Variants in BCAR1 observed in about 807,000 individuals in gnomAD.
The protein encoded by BCAR1 is BCAR1 scaffold protein, Cas family member.
A neutral mutation model predicts 67.6 loss-of-function variants in BCAR1; 30 were observed. That is an observed-to-expected ratio of 0.44 (90% confidence interval 0.33 to 0.60). The LOEUF (loss-of-function observed/expected upper bound fraction) is 0.60, where lower values mean the gene tolerates loss of function less well. Ranked by LOEUF, BCAR1 falls within the 20% of genes least tolerant of loss-of-function variation. The probability of loss-of-function intolerance (pLI) is 0.02; values close to 1 mark genes in which losing one functional copy is unlikely to be tolerated. For synonymous variants in BCAR1, 626 were observed against 556.7 expected, an observed-to-expected ratio of 1.12 and a Z score of -1.75; for missense variants, 1,313 against 1,222.3, an observed-to-expected ratio of 1.07 and a Z score of -1.11.
chr16:75,257,655 A>C (rs1002419842), intron 1 of BCAR1, among the ~76,000 whole-genome samples: 1 of 152,102 alleles, frequency 6.6e-6, no homozygotes, highest in African/African-American at 2.4e-5. Context: ...GGGTTTCACT[A>C]TATTGCCCAG....
chr16:75,264,593 T>C, intron 1 of BCAR1: 1 of 1,293,010 alleles, frequency 7.7e-7, no homozygotes, highest in African/African-American at 1.5e-5. Context: ...GAAGCCCTCA[T>C]TTTTTCATCT....
intron 1 of BCAR1, among the ~76,000 whole-genome samples, chr16:75,267,568 G>T (rs1193972096): frequency 6.6e-6 from 1 of 152,092 alleles, no homozygotes; most frequent in Non-Finnish European, 1.5e-5. Context: ...CACACGCCCT[G>T]CTGTCTCTGA....
chr16:75,244,345 A>G (rs1336732318), intron 1 of BCAR1, among the ~76,000 whole-genome samples: 3 of 152,246 alleles, frequency 2.0e-5, no homozygotes, highest in Non-Finnish European at 4.4e-5. Flanking sequence ...AACAAGGAAG[A>G]AAGGGCCACG....
intron 1 of BCAR1, among the ~76,000 whole-genome samples, chr16:75,259,449 A>T (rs143725001): frequency 6.2e-4 from 94 of 151,872 alleles, no homozygotes; most frequent in Middle Eastern, 3.5e-3. Context: ...TAACACAGCA[A>T]GACTCAGACT....
intron 1 of BCAR1, among the ~76,000 whole-genome samples, chr16:75,258,368 T>G (rs2077827120): frequency 6.6e-6 from 1 of 152,268 alleles, no homozygotes; most frequent in South Asian, 2.1e-4. Context: ...CCTCTTGGAC[T>G]GCCCTGAGGC....
intron 1 of BCAR1, chr16:75,267,899 T>TAGAGC: frequency 6.3e-7 from 1 of 1,595,588 alleles, no homozygotes; most frequent in Non-Finnish European, 8.5e-7. Context: ...GGACCCTGGC[T>TAGAGC]AGAGCCCTCA....
At chr16:75,258,364 G>C (rs1054909199) in intron 1 of BCAR1, among the ~76,000 whole-genome samples, 1 of 152,212 alleles carries the variant, frequency 6.6e-6, no homozygotes, top group African/African-American at 2.4e-5. Context: ...GTCTCCTCTT[G>C]GACTGCCCTG....
intron 1 of BCAR1, chr16:75,248,174 C>CT: frequency 6.3e-7 from 1 of 1,580,394 alleles, no homozygotes; most frequent in Non-Finnish European, 8.5e-7. Flanking sequence ...GGTGGCTCCA[C>CT]TTTATCTCCA....
In BCAR1 at chr16:75,236,922, G is replaced by T. The variant is rs1260931533; in HGVS notation, c.872C>A (p.Pro291His). Residue 291 changes from proline to histidine, a missense_variant, in exon 4 of 7, where the codon CCC becomes CAC. Coordinates refer to ENST00000162330, the MANE Select transcript of BCAR1 (RefSeq NM_014567.5). ...DPLLEVYDVP[P>H]SVEKGLPPSN... ...CGGTGGCAGGCCCTTCTCCACACTG[G>T]GGGGCACGTCATACACCTCCAGCAA... The T allele has an allele frequency of 6.2e-7, 1 of 1,612,732 alleles. No homozygotes were observed. The highest frequency in any genetic ancestry group is 8.5e-7 in the Non-Finnish European group (1 of 1,179,568).
chr16:75,244,143 C>A (rs986532861), intron 1 of BCAR1, among the ~76,000 whole-genome samples: 1 of 152,204 alleles, frequency 6.6e-6, no homozygotes, highest in African/African-American at 2.4e-5. Context: ...GCTCCAGCCA[C>A]CCCACCAGCC....
At position 75,265,707 on chromosome 16, in the gene BCAR1, C is replaced by A. The variant is rs1271555881; in HGVS notation, c.66+2208G>T. ...GCTCTCCCCCGGGGCCGAGGAGGCCCCAGTGAGGCGACCCCCAGTCCGGGA... is the reference window on the plus strand; with the variant it reads ...GCTCTCCCCCGGGGCCGAGGAGGCCACAGTGAGGCGACCCCCAGTCCGGGA... On this transcript the variant is annotated intron_variant, in intron 1 of 6. Coordinates refer to the BCAR1 transcript ENST00000393422. 7 of 1,132,928 alleles carry A rather than the reference C, an allele frequency of 6.2e-6. No homozygotes were observed. In the African/African-American group the frequency reaches 1.1e-4, roughly 19 times the overall value. The allele number at this position is 1,132,928 out of a possible 1,614,324, so 70.2% of individuals were successfully genotyped here.
chr16:75,232,322 G>C (rs1395180817), intron 6 of BCAR1, among the ~76,000 whole-genome samples: 1 of 151,558 alleles, frequency 6.6e-6, no homozygotes, highest in African/African-American at 2.4e-5. Context: ...CACTATGCTG[G>C]CCAATTTTTG....
chr16:75,232,380 A>C (rs991451111), intron 6 of BCAR1, among the ~76,000 whole-genome samples: 3 of 152,018 alleles, frequency 2.0e-5, no homozygotes, highest in Non-Finnish European at 4.4e-5. Flanking sequence ...GGCTGGTCTC[A>C]AACTCGTGAC....
intron 2 of BCAR1, chr16:75,238,395 C>T (rs1597205412): frequency 1.9e-6 from 2 of 1,076,678 alleles, no homozygotes; most frequent in Non-Finnish European, 2.3e-6. Context: ...ACAGGGTTGA[C>T]TCAGGGCCTC....
chr16:75,230,275 G>C (rs1445747223), intron 6 of BCAR1, among the ~76,000 whole-genome samples: 4 of 152,298 alleles, frequency 2.6e-5, no homozygotes, highest in Middle Eastern at 6.8e-3. Context: ...TTTTTGAAAT[G>C]ACAAGATGGA....
Position 75,263,137 on chromosome 16 carries a change from A to T in BCAR1, c.66+4778T>A, listed in dbSNP as rs748707651. The T allele has an allele frequency of 5.4e-5, 50 of 923,510 alleles. No homozygotes were observed. In the Admixed American group the frequency reaches 5.6e-4, roughly 10 times the overall value. The allele number at this position is 923,510 out of a possible 1,614,324, so 57.2% of individuals were successfully genotyped here. A position where few individuals can be genotyped will look rare whatever the true frequency, so the allele number is the denominator to read the frequency against. On this transcript the variant is annotated intron_variant, in intron 1 of 6. Transcript: ENST00000393422. ...CATCCCTGAAAGGAGCCATCCCTCA[A>T]CGAAGGGGCACAGGAGGAGCTGGAG...
intron 4 of BCAR1, chr16:75,236,591 A>T (rs1021812821): frequency 4.2e-6 from 2 of 477,924 alleles, no homozygotes; most frequent in Non-Finnish European, 7.1e-6. Flanking sequence ...TCCCCCCTTC[A>T]CTCTTGGAAG....
intron 1 of BCAR1, among the ~76,000 whole-genome samples, chr16:75,267,697 T>C (rs746638616): frequency 2.6e-5 from 4 of 151,686 alleles, no homozygotes; most frequent in Non-Finnish European, 5.9e-5. Flanking sequence ...CCCCCATATC[T>C]AGGTGCCCCA....
chr16:75,241,310 G>A (rs750831865), intron 2 of BCAR1, among the ~76,000 whole-genome samples: 15 of 152,148 alleles, frequency 9.9e-5, no homozygotes, highest in Admixed American at 4.6e-4. Context: ...TGTAGCGCAT[G>A]TGTGTGTTCG....
Sources: allele counts gnomAD v4.1 joint callset (sites outside exome capture counted in the v4.1 genomes callset), GRCh38; gene constraint gnomAD v4.1.1; transcripts MANE v1.5; gene names NCBI Gene and HGNC (gene_info 2026-07-23, HGNC 2026-07-21).